PAFAH1B2: variants seen among roughly 807,000 people sequenced by gnomAD.
PAFAH1B2 encodes platelet activating factor acetylhydrolase 1b catalytic subunit 2.
A neutral mutation model predicts 28.0 loss-of-function variants in PAFAH1B2; 8 were observed. That is an observed-to-expected ratio of 0.29 (90% CI 0.17 to 0.52). The LOEUF (loss-of-function observed/expected upper bound fraction) is 0.52, where lower values mean the gene tolerates loss of function less well. Among genes scored for constraint, PAFAH1B2 ranks in the 20% least tolerant of loss-of-function variants. PAFAH1B2 has a pLI of 0.97. For missense variants in PAFAH1B2, 190 were observed against 282.6 expected (o/e 0.67, Z 2.35); for synonymous variants, 104 against 103.2 (o/e 1.01, Z -0.05).
At chr11:117,172,568 G>A (rs1956697236), downstream of PAFAH1B2, among the ~76,000 whole-genome samples, 1 of 151,868 alleles carries the variant, frequency 6.6e-6, no homozygotes, top group Admixed American at 6.6e-5. Flanking sequence ...CCATGACCTG[G>A]CCTCTTTAAT....
chr11:117,156,272 G>A (rs933970350), intron 2 of PAFAH1B2, among the ~76,000 whole-genome samples: 2 of 152,196 alleles, frequency 1.3e-5, no homozygotes, highest in Non-Finnish European at 2.9e-5. Flanking sequence ...GATGTTAAGT[G>A]CAACTATAAC....
intron 4 of PAFAH1B2, 140 bp downstream of exon 4, chr11:117,161,401 C>A: frequency 1.9e-6 from 1 of 532,900 alleles, no homozygotes; most frequent in Non-Finnish European, 3.3e-6. Context: ...GTAAATGATA[C>A]TGTCATTGCT....
intron 4 of PAFAH1B2, among the ~76,000 whole-genome samples, chr11:117,163,340 C>T (rs1956418872): frequency 6.6e-6 from 1 of 152,114 alleles, no homozygotes; most frequent in Non-Finnish European, 1.5e-5. Flanking sequence ...TTAGCCAACA[C>T]CATTTGAAAA....
intron 3 of PAFAH1B2, 139 bp from the exon 4 acceptor site, chr11:117,161,006 C>A: frequency 1.6e-6 from 1 of 621,206 alleles, no homozygotes. Context: ...ATCTTAAAAG[C>A]CCTTAAACAG....
chr11:117,148,425 G>C (rs1193443281), intron 1 of PAFAH1B2, among the ~76,000 whole-genome samples: 1 of 152,064 alleles, frequency 6.6e-6, no homozygotes, highest in Non-Finnish European at 1.5e-5. Flanking sequence ...CTGTCACTCT[G>C]GTTTCAAATC....
intron 1 of PAFAH1B2, among the ~76,000 whole-genome samples, chr11:117,145,664 G>GGA (rs1414782468): frequency 1.3e-5 from 2 of 152,138 alleles, no homozygotes; most frequent in Admixed American, 6.6e-5. Flanking sequence ...ACCAGCCCAC[G>GGA]GAGGCTACCG....
chr11:117,150,172 A>G (rs956236823), intron 1 of PAFAH1B2, among the ~76,000 whole-genome samples: 1 of 152,162 alleles, frequency 6.6e-6, no homozygotes, highest in Non-Finnish European at 1.5e-5. Flanking sequence ...CATTGTTTAA[A>G]TTAATAATTT....
At position 117,170,493 on chromosome 11, in the gene PAFAH1B2, C is replaced by G. The variant is rs547860853; in HGVS notation, c.*2794C>G. ...GTGTTCTCGGTCGCCGTAGACAGCGCTCTGGCTACCACCGTGAGGCTACTT... is the reference window on the plus strand; with the variant it reads ...GTGTTCTCGGTCGCCGTAGACAGCGGTCTGGCTACCACCGTGAGGCTACTT... On this transcript the variant is annotated 3_prime_UTR_variant, in exon 6 of 6. Coordinates refer to ENST00000527958, the MANE Select transcript of PAFAH1B2 (RefSeq NM_002572.4). 1.3e-5 allele frequency: 14 copies of G among 1,059,620 alleles called. No homozygotes were observed. In the African/African-American group the frequency reaches 2.3e-4, roughly 18 times the overall value. The allele number at this position is 1,059,620 out of a possible 1,614,324, so 65.6% of individuals were successfully genotyped here. A position where few individuals can be genotyped will look rare whatever the true frequency, so the allele number is the denominator to read the frequency against.
Position 117,168,780 on chromosome 11 carries a change from T to C in PAFAH1B2, c.*1081T>C. The C allele has an allele frequency of 2.0e-6, 2 of 996,404 alleles. No homozygotes were observed. The highest frequency in any genetic ancestry group is 2.4e-6 in the Non-Finnish European group (2 of 821,762). 61.7% of individuals were successfully genotyped at this position (996,404 alleles called of 1,614,324 possible). A position where few individuals can be genotyped will look rare whatever the true frequency, so the allele number is the denominator to read the frequency against. ...AAGGTGTATATTTTATTTTTTTTAT[T>C]GGCTTAGTTGTTTTTTGTTTTGTTT... On this transcript the variant is annotated 3_prime_UTR_variant, in exon 6 of 6. Coordinates refer to ENST00000527958, the MANE Select transcript of PAFAH1B2 (RefSeq NM_002572.4).
At chr11:117,158,210 CTTTCT>C (rs1265643941) in intron 2 of PAFAH1B2, among the ~76,000 whole-genome samples, 2 of 151,946 alleles carry the variant, frequency 1.3e-5, no homozygotes, top group African/African-American at 4.8e-5. Flanking sequence ...TTTTTTCTTT[CTTTCT>C]TTTCTTCATA....
rs760522816 is a variant in PAFAH1B2 at position 117,163,841 on chromosome 11, C to A, written c.360C>A (p.Ala120=). 1.1e-5 allele frequency: 17 copies of A among 1,613,960 alleles called. No individual in the cohort carries two copies. The East Asian group carries it at 3.6e-4, about 34-fold the overall frequency. Residue 120 remains alanine (A), a synonymous_variant, in exon 5 of 6, where the codon GCC becomes GCA. Coordinates refer to ENST00000527958, the MANE Select transcript of PAFAH1B2 (RefSeq NM_002572.4). Reference sequence around the variant, plus strand: ...AAGAAGTAGCAGGTGGGATCGAGGCCATTGTACAACTTATCAACACAAGGC... The same window carrying A: ...AAGAAGTAGCAGGTGGGATCGAGGCAATTGTACAACTTATCAACACAAGGC... The part of the protein sequence containing the change: ...TAEEVAGGIE[A]IVQLINTRQP...
In PAFAH1B2 at chr11:117,146,114, C is replaced by CTT. The variant is rs376242740; in HGVS notation, c.-8+1714_-8+1715dup. Among the ~76,000 whole-genome samples, 335 of 137,896 alleles carry CTT rather than the reference C, an allele frequency of 2.4e-3. 2 individuals are homozygous for CTT. Among genetic ancestry groups the CTT allele is most frequent in the African/African-American group, 7.7e-3 (272 of 35,382 alleles). The allele number at this position is 137,896 out of a possible 152,430, so 90.5% of individuals were successfully genotyped here. A position where few individuals can be genotyped will look rare whatever the true frequency, so the allele number is the denominator to read the frequency against. On this transcript the variant is annotated intron_variant, in intron 1 of 5. Transcript: ENST00000527958. ...TTTGCATTCTGCTTGGTCTTTCTTT[C>CTT]TTTTTTTTTTTTTTTTTTTGTGTGT... is the stretch of plus-strand genomic sequence containing the variant.
downstream of PAFAH1B2, chr11:117,174,757 C>T (rs908443051): frequency 9.9e-6 from 5 of 503,438 alleles, no homozygotes; most frequent in Non-Finnish European, 1.7e-5. Context: ...GGATTACAGG[C>T]GTGAGCCACT....
chr11:117,155,438 T>C (rs12271743), intron 2 of PAFAH1B2, among the ~76,000 whole-genome samples: 10,906 of 152,154 alleles, frequency 0.072, 618 homozygotes, highest in African/African-American at 0.15. Context: ...GGAACTAATA[T>C]ATAAGTATTT....
chr11:117,169,361 T>A lies in PAFAH1B2; in HGVS notation c.*1662T>A, dbSNP rs1956593404. ...CTGTGGAATATGTACAAACTGGATC[T>A]ATAGATATTTTGAACTGGACCAGGT... On this transcript the variant is annotated 3_prime_UTR_variant, in exon 6 of 6. Coordinates refer to ENST00000527958, the MANE Select transcript of PAFAH1B2 (RefSeq NM_002572.4). The A allele has an allele frequency of 2.9e-6, 3 of 1,050,760 alleles. No homozygotes were observed. In the East Asian group the frequency reaches 1.6e-4, roughly 58 times the overall value. The allele number at this position is 1,050,760 out of a possible 1,614,324, so 65.1% of individuals were successfully genotyped here.
chr11:117,176,939 G>A (rs1038806717), downstream of PAFAH1B2: 6 of 151,650 alleles, frequency 4.0e-5, no homozygotes, highest in Non-Finnish European at 7.4e-5. Context: ...CAGGCATGGT[G>A]GCTCATGCCT....
At position 117,169,953 on chromosome 11, in the gene PAFAH1B2, C is replaced by G. The variant is rs1956610487; in HGVS notation, c.*2254C>G. 9.5e-7 allele frequency: 1 copy of G among 1,053,300 alleles called. No individual in the cohort carries two copies. Among genetic ancestry groups the G allele is most frequent in the African/African-American group, 1.7e-5 (1 of 60,536 alleles). The allele number at this position is 1,053,300 out of a possible 1,614,324, so 65.2% of individuals were successfully genotyped here. On this transcript the variant is annotated 3_prime_UTR_variant, in exon 6 of 6. Coordinates refer to ENST00000527958, the MANE Select transcript of PAFAH1B2 (RefSeq NM_002572.4). Reference sequence around the variant, plus strand: ...TCCCTTTGTGAGCTGGCCCTCAGCTCCTTTGCTCATGTGTACAAACCTCAG... The same window carrying G: ...TCCCTTTGTGAGCTGGCCCTCAGCTGCTTTGCTCATGTGTACAAACCTCAG...
chr11:117,165,710 GA>G (rs1956492362), intron 5 of PAFAH1B2, among the ~76,000 whole-genome samples: 1 of 152,082 alleles, frequency 6.6e-6, no homozygotes, highest in Non-Finnish European at 1.5e-5. Context: ...AGGTATTATA[GA>G]AAAATAAAGA....
At chr11:117,177,126 T>C (rs974078094), downstream of PAFAH1B2, among the ~76,000 whole-genome samples, 1 of 152,054 alleles carries the variant, frequency 6.6e-6, no homozygotes, top group African/African-American at 2.4e-5. Context: ...GGAGAATTGC[T>C]TGAACCCAGG....
Sources: allele counts gnomAD v4.1 joint callset (sites outside exome capture counted in the v4.1 genomes callset), GRCh38; gene constraint gnomAD v4.1.1; transcripts MANE v1.5; gene names NCBI Gene and HGNC (gene_info 2026-07-23, HGNC 2026-07-21).